Variants in HMGB1 observed in about 807,000 individuals in gnomAD.
The protein encoded by HMGB1 is high mobility group protein B1.
For synonymous variants in HMGB1, 81 were observed against 84.0 expected (o/e 0.96, Z 0.19); for missense variants, 79 against 253.5 (o/e 0.31, Z 4.67).
chr13:30,551,313 C>T lies in HMGB1; in HGVS notation c.-15+65358G>A, dbSNP rs545196484. Among the ~76,000 whole-genome samples the T allele has an allele frequency of 1.5e-4, 23 of 152,268 alleles. No individual in the cohort carries two copies. The South Asian group carries it at 4.1e-3, about 27-fold the overall frequency. ...CCTTCTCTTTGGGGTTTAAAAGGCT[C>T]ATCACTGAACTGAACCAAGTCCATC... On this transcript the variant is annotated intron_variant, in intron 1 of 4. Transcript: ENST00000405805.
At chr13:30,563,781 T>G (rs575629908) in intron 1 of HMGB1, among the ~76,000 whole-genome samples, 1 of 152,360 alleles carries the variant, frequency 6.6e-6, no homozygotes, top group South Asian at 2.1e-4. Context: ...AAAACTGTTA[T>G]GTGAGTGAAA....
intron 4 of HMGB1, 187 bp from the exon 5 acceptor site, chr13:30,461,720 A>G (rs773215228): frequency 6.8e-7 from 1 of 1,464,098 alleles, no homozygotes; most frequent in South Asian, 1.2e-5. Flanking sequence ...ATACAAGATC[A>G]TTATAACAAT....
At chr13:30,511,931 C>G (rs1348059522) in intron 1 of HMGB1, among the ~76,000 whole-genome samples, 1 of 130,966 alleles carries the variant, frequency 7.6e-6, no homozygotes, top group African/African-American at 2.7e-5. Flanking sequence ...TCTAACCTCT[C>G]TGATTCTTCT....
upstream of HMGB1, among the ~76,000 whole-genome samples, chr13:30,468,561 GT>G (rs912238984): frequency 8.6e-5 from 13 of 151,760 alleles, no homozygotes; most frequent in Non-Finnish European, 1.9e-4. Context: ...GCCTTGTTTT[GT>G]TTTTTTTAAA....
intron 1 of HMGB1, among the ~76,000 whole-genome samples, chr13:30,510,900 T>C (rs990718815): frequency 6.6e-6 from 1 of 152,206 alleles, no homozygotes; most frequent in Non-Finnish European, 1.5e-5. Flanking sequence ...TATTCCTTAT[T>C]CTTCAAAATG....
At chr13:30,463,872 C>T in intron 1 of HMGB1, 178 bp from the exon 2 acceptor site, 1 of 546,232 alleles carries the variant, frequency 1.8e-6, no homozygotes, top group Non-Finnish European at 3.1e-6. Flanking sequence ...AGGGGCTATG[C>T]CAAGCAAACA....
chr13:30,486,852 C>T (rs926880396), intron 1 of HMGB1, among the ~76,000 whole-genome samples: 7 of 152,126 alleles, frequency 4.6e-5, no homozygotes, highest in Non-Finnish European at 1.0e-4. Flanking sequence ...ACAACATGAT[C>T]ATGGGAAGAA....
chr13:30,554,312 C>A, intron 1 of HMGB1: 1 of 1,063,854 alleles, frequency 9.4e-7, no homozygotes, highest in Non-Finnish European at 1.5e-6. Context: ...TGCAGTGATC[C>A]ATTGTAGCGA....
rs57850142 is a variant in HMGB1, at chr13:30,471,254, G to A, written c.-14-7560C>T. 9.4e-3 allele frequency among the ~76,000 whole-genome samples: 1,435 copies of A among 152,298 alleles called. 43 individuals carry two copies. In the East Asian group the frequency reaches 0.12, roughly 12 times the overall value. ...CAAAGTGCTGGAATTACAGGTGTGA[G>A]CCAGCGCGCCTGGCCTATTTTATTT... On this transcript the variant is annotated intron_variant, in intron 1 of 4. Transcript: ENST00000405805.
At chr13:30,505,074 A>C (rs1429972540) in intron 1 of HMGB1, among the ~76,000 whole-genome samples, 1 of 150,192 alleles carries the variant, frequency 6.7e-6, no homozygotes, top group Admixed American at 6.6e-5. Context: ...GGGTTTAAGC[A>C]ATTCTCTTAT....
chr13:30,523,568 G>A (rs576527423), intron 1 of HMGB1, among the ~76,000 whole-genome samples: 2 of 151,744 alleles, frequency 1.3e-5, no homozygotes, highest in East Asian at 1.9e-4. Context: ...ACCACTCTTT[G>A]TACAACAAAA....
chr13:30,562,046 G>A (rs1294262695), intron 1 of HMGB1, among the ~76,000 whole-genome samples: 2 of 152,176 alleles, frequency 1.3e-5, no homozygotes, highest in Non-Finnish European at 2.9e-5. Context: ...ACTTGGCCGG[G>A]CGCAGTGGCT....
At position 30,457,224 on chromosome 13, in the gene HMGB1, A is replaced by T. The variant is rs1886028303; in HGVS notation, c.*4133T>A. 6.6e-6 allele frequency: 1 copy of T among 152,208 alleles called. No individual in the cohort carries two copies. The highest frequency in any genetic ancestry group is 2.4e-5 in the African/African-American group (1 of 41,446). The allele number at this position is 152,208 out of a possible 1,614,324, so 9.4% of individuals were successfully genotyped here. ...GGCTAGTGTCAAACTCCTGGCCTCA[A>T]GTGATCCTCCCACCTCGGCCTCCCA... is the stretch of plus-strand genomic sequence containing the variant. On this transcript the variant is annotated 3_prime_UTR_variant, in exon 5 of 5. Transcript: ENST00000341423.
intron 1 of HMGB1, among the ~76,000 whole-genome samples, chr13:30,549,572 G>C (rs1039497217): frequency 1.3e-5 from 2 of 152,046 alleles, no homozygotes; most frequent in Non-Finnish European, 2.9e-5. Flanking sequence ...TTGTGTGTGT[G>C]TGTGTAGGGA....
rs183784196 is a variant in HMGB1 at position 30,603,380 on chromosome 13, C to T, written c.-15+13291G>A. On this transcript the variant is annotated intron_variant, in intron 1 of 4. Transcript: ENST00000405805. ...TTCAAAACTGAACTGGGCATTGGCT[C>T]CACTCCTTCTCCTTCTCTTTACTAT... Among the ~76,000 whole-genome samples the T allele has an allele frequency of 2.5e-3, 383 of 152,246 alleles. 2 individuals carry two copies. The highest frequency in any genetic ancestry group is 0.01 in the Middle Eastern group (3 of 294).
chr13:30,566,791 G>A (rs552938290), intron 1 of HMGB1, among the ~76,000 whole-genome samples: 2 of 152,156 alleles, frequency 1.3e-5, no homozygotes, highest in South Asian at 2.1e-4. Context: ...TCAAAATTTT[G>A]GTCTTTATAA....
intron 1 of HMGB1, among the ~76,000 whole-genome samples, chr13:30,519,418 G>A (rs540678354): frequency 4.0e-5 from 6 of 149,954 alleles, no homozygotes; most frequent in Admixed American, 1.3e-4. Flanking sequence ...TAAAAAGGCC[G>A]GGCGCGGTGG....
At chr13:30,475,785 G>A (rs1887082936) in intron 1 of HMGB1, among the ~76,000 whole-genome samples, 1 of 152,142 alleles carries the variant, frequency 6.6e-6, no homozygotes, top group African/African-American at 2.4e-5. Context: ...TGAAAAGTGA[G>A]AGATCTGATA....
At chr13:30,503,712 A>C (rs969872668) in intron 1 of HMGB1, among the ~76,000 whole-genome samples, 6 of 150,126 alleles carry the variant, frequency 4.0e-5, no homozygotes, top group Admixed American at 2.7e-4. Context: ...GCACAGGTCA[A>C]CAAGACTGTC....
Sources: allele counts gnomAD v4.1 joint callset (sites outside exome capture counted in the v4.1 genomes callset), GRCh38; gene constraint gnomAD v4.1.1; transcripts MANE v1.5; gene names NCBI Gene and HGNC (gene_info 2026-07-23, HGNC 2026-07-21).